The following SORT1 variants were observed in gnomAD, a reference collection of about 807,000 sequenced individuals.
SORT1 encodes sortilin.
SORT1 carries 39 observed loss-of-function variants against 101.7 expected under a neutral mutation model. The ratio of observed to expected loss-of-function variants is 0.38; its 90% CI spans 0.30 to 0.50. The LOEUF (loss-of-function observed/expected upper bound fraction) is 0.50. Among genes scored for constraint, SORT1 ranks in the 20% least tolerant of loss-of-function variants. SORT1 has a pLI of 0.90. For missense variants in SORT1, 878 were observed against 1,040.4 expected, an observed-to-expected ratio of 0.84 and a Z score of 2.15; for synonymous variants, 396 against 393.7, an observed-to-expected ratio of 1.01 and a Z score of -0.07.
At position 109,347,546 on chromosome 1, in the gene SORT1, A is replaced by G; in HGVS notation, c.783-14T>C. 6.3e-7 allele frequency: 1 copy of G among 1,592,802 alleles called. No individual in the cohort carries two copies. Among genetic ancestry groups the G allele is most frequent in the Non-Finnish European group, 8.6e-7 (1 of 1,160,718 alleles). ...TTGTCTGATCCCCTACAATGAGGCA[A>G]AAACAGGGAAAAGAAATGGTTTAAG... is the stretch of plus-strand genomic sequence containing the variant. On this transcript the variant is annotated splice_polypyrimidine_tract_variant and intron_variant, in intron 6 of 19. Transcript: ENST00000256637.
intron 15 of SORT1, among the ~76,000 whole-genome samples, chr1:109,318,689 T>C (rs1480243961): frequency 6.6e-6 from 1 of 151,976 alleles, no homozygotes; most frequent in African/African-American, 2.4e-5. Flanking sequence ...AGACAGGGTC[T>C]CGCTCTGTTG....
intron 13 of SORT1, 69 bp from the exon 14 acceptor site, chr1:109,325,158 T>C: frequency 2.9e-6 from 3 of 1,028,668 alleles, no homozygotes; most frequent in Non-Finnish European, 4.2e-6. Context: ...AAAACCACTC[T>C]GGCTTTTTGA....
At chr1:109,359,209 G>A (rs771553143) in intron 3 of SORT1, among the ~76,000 whole-genome samples, 1 of 151,904 alleles carries the variant, frequency 6.6e-6, no homozygotes, top group Non-Finnish European at 1.5e-5. Context: ...CACTGTAACC[G>A]TACATGACAG....
At chr1:109,344,795 C>G (rs1391052267) in intron 8 of SORT1, among the ~76,000 whole-genome samples, 1 of 152,152 alleles carries the variant, frequency 6.6e-6, no homozygotes, top group African/African-American at 2.4e-5. Context: ...TCCCCAGGCT[C>G]AGATGATCCT....
At chr1:109,394,772 C>A (rs530702569) in intron 1 of SORT1, among the ~76,000 whole-genome samples, 19 of 152,250 alleles carry the variant, frequency 1.2e-4, no homozygotes, top group African/African-American at 4.3e-4. Context: ...ATTAATGTGG[C>A]TTGAAATGAA....
chr1:109,384,961 C>T (rs548411575), intron 1 of SORT1, among the ~76,000 whole-genome samples: 1 of 152,136 alleles, frequency 6.6e-6, no homozygotes, highest in African/African-American at 2.4e-5. Flanking sequence ...ACCTGTAATC[C>T]CAGCTACTTG....
intron 11 of SORT1, among the ~76,000 whole-genome samples, chr1:109,333,282 A>C (rs576910403): frequency 9.8e-5 from 15 of 152,330 alleles, no homozygotes; most frequent in East Asian, 1.9e-4. Flanking sequence ...TAGAGACATA[A>C]ATGTAAGACT....
intron 1 of SORT1, among the ~76,000 whole-genome samples, chr1:109,377,246 C>T (rs1651920782): frequency 6.6e-6 from 1 of 152,174 alleles, no homozygotes; most frequent in African/African-American, 2.4e-5. Flanking sequence ...TTCTTAATGG[C>T]AGACGCTATA....
chr1:109,344,050 C>CTTA (rs2101585851), intron 8 of SORT1, among the ~76,000 whole-genome samples: 1 of 152,292 alleles, frequency 6.6e-6, no homozygotes, highest in East Asian at 1.9e-4. Flanking sequence ...GATACAGACT[C>CTTA]TTAAAGGTAC....
At chr1:109,343,816 T>C (rs1649399127) in intron 8 of SORT1, among the ~76,000 whole-genome samples, 1 of 152,112 alleles carries the variant, frequency 6.6e-6, no homozygotes, top group Admixed American at 6.6e-5. Context: ...GCTTGGCTAA[T>C]TTTTTGTATC....
At chr1:109,326,206 C>T (rs1416106441) in intron 13 of SORT1, among the ~76,000 whole-genome samples, 1 of 148,712 alleles carries the variant, frequency 6.7e-6, no homozygotes, top group Non-Finnish European at 1.5e-5. Context: ...CACCACCACG[C>T]CCAGCTAATT....
At position 109,311,853 on chromosome 1, in the gene SORT1, T is replaced by G. The variant is rs554123171; in HGVS notation, c.*2190A>C. ...GTTAGCACTCGCATGTGTAAAGATT[T>G]CCAAGAGTTCTGAAGACAGCCAGCC... On this transcript the variant is annotated 3_prime_UTR_variant, in exon 20 of 20. Coordinates refer to ENST00000256637, the MANE Select transcript of SORT1 (RefSeq NM_002959.7). The G allele has an allele frequency of 1.3e-5, 2 of 152,590 alleles. No homozygotes were observed. Among genetic ancestry groups the G allele is most frequent in the Admixed American group, 1.3e-4 (2 of 15,290 alleles). 9.5% of individuals were successfully genotyped at this position (152,590 alleles called of 1,614,324 possible). A position where few individuals can be genotyped will look rare whatever the true frequency, so the allele number is the denominator to read the frequency against.
Position 109,323,033 on chromosome 1 carries a change from CTG to C in SORT1, c.1921_1922del (p.Gln641ValfsTer35). On this transcript the variant is annotated frameshift_variant, in exon 15 of 20. Coordinates refer to ENST00000256637, the MANE Select transcript of SORT1 (RefSeq NM_002959.7). LOFTEE classifies it high-confidence loss of function. ...EDGCILGYKE[Q>X]FLRLRKSSVC... The stretch of plus-strand genomic sequence containing the variant: ...CGGATGACTTGCGTAGCCGCAGAAA[CTG>C]TTCTTTGTAGCCCAAAATGCAGCCA... 6.2e-7 allele frequency: 1 copy of C among 1,614,216 alleles called. No individual in the cohort carries two copies. Among genetic ancestry groups the C allele is most frequent in the Non-Finnish European group, 8.5e-7 (1 of 1,180,030 alleles).
chr1:109,353,507 TG>T (rs1263469486), intron 5 of SORT1, among the ~76,000 whole-genome samples: 1 of 152,038 alleles, frequency 6.6e-6, no homozygotes, highest in Non-Finnish European at 1.5e-5. Flanking sequence ...TGTTCACGGT[TG>T]ATGATCTTGT....
At chr1:109,390,804 C>CGT (rs1557830068) in intron 1 of SORT1, among the ~76,000 whole-genome samples, 1 of 146,262 alleles carries the variant, frequency 6.8e-6, no homozygotes, top group African/African-American at 2.7e-5. Context: ...TGTGTGCGCG[C>CGT]GCGCGTTTTA....
At chr1:109,346,744 CAAA>C (rs1035471524) in intron 7 of SORT1, among the ~76,000 whole-genome samples, 1 of 46,720 alleles carries the variant, frequency 2.1e-5, no homozygotes, top group Non-Finnish European at 4.7e-5. Flanking sequence ...GACTCCGTCT[CAAA>C]AAAAAAAAAA....
chr1:109,381,565 T>C (rs1325365179), intron 1 of SORT1, among the ~76,000 whole-genome samples: 1 of 152,136 alleles, frequency 6.6e-6, no homozygotes. Flanking sequence ...TATGTGCATA[T>C]TTATGGTTAC....
At chr1:109,329,456 T>C (rs116374862) in intron 11 of SORT1, among the ~76,000 whole-genome samples, 4,083 of 152,278 alleles carry the variant, frequency 0.027, 178 homozygotes, top group African/African-American at 0.093. Flanking sequence ...GGTTTCACCA[T>C]GTTAGTGAGG....
intron 18 of SORT1, 78 bp downstream of exon 18, chr1:109,314,594 G>C: frequency 1.7e-6 from 2 of 1,173,764 alleles, no homozygotes. Flanking sequence ...TTTTTGCCAA[G>C]AGTAGACTCA....
Sources: allele counts gnomAD v4.1 joint callset (sites outside exome capture counted in the v4.1 genomes callset), GRCh38; gene constraint gnomAD v4.1.1; transcripts MANE v1.5; gene names NCBI Gene and HGNC (gene_info 2026-07-23, HGNC 2026-07-21).